Variants in RSPH4A observed in about 807,000 individuals in gnomAD.
The protein encoded by RSPH4A is radial spoke head protein 4 homolog A.
In RSPH4A, 47 loss-of-function variants were observed where a neutral mutation model predicts 71.0. The ratio of observed to expected loss-of-function variants is 0.66; its 90% CI spans 0.52 to 0.84. The LOEUF (loss-of-function observed/expected upper bound fraction) is 0.84, where lower values mean the gene tolerates loss of function less well. Ranked by LOEUF, RSPH4A falls within the 40% of genes least tolerant of loss-of-function variation. The pLI, the probability that RSPH4A is intolerant of heterozygous loss-of-function variation, is 0.00. For synonymous variants in RSPH4A, 282 were observed against 302.3 expected (o/e 0.93, Z 0.70); for missense variants, 793 against 855.2 (o/e 0.93, Z 0.91).
chr6:116,625,305 A>T (rs1489949299), intron 2 of RSPH4A, among the ~76,000 whole-genome samples: 2 of 152,198 alleles, frequency 1.3e-5, no homozygotes, highest in Non-Finnish European at 2.9e-5. Context: ...GAAGACTCTT[A>T]GAAATTAAAT....
In RSPH4A at chr6:116,616,930, G is replaced by T. The variant is rs139745647; in HGVS notation, c.307G>T (p.Asp103Tyr). 190 of 1,614,180 alleles carry T rather than the reference G, an allele frequency of 1.2e-4. No homozygotes were observed. The African/African-American group carries it at 2.3e-3, about 19-fold the overall frequency. Reference protein sequence around the residue: ...SPSPLAPARQDLAAPPQSDRT... With the variant: ...SPSPLAPARQYLAAPPQSDRT... ...TTCTCCCCTGGCTCCGGCCAGACAA[G>T]ACCTCGCGGCACCACCTCAGTCGGA... The change falls in exon 1 of 6, where the codon GAC (aspartate) becomes TAC (tyrosine). Residue 103 changes from aspartate (D) to tyrosine (Y), a missense_variant. By Grantham distance (160) the Asp-to-Tyr change is radical. Coordinates refer to ENST00000229554, the MANE Select transcript of RSPH4A (RefSeq NM_001010892.3).
In RSPH4A at chr6:116,632,248, G is replaced by C; in HGVS notation, c.1958G>C (p.Ser653Thr). ...NFYIGWGHKYSPDNYTPPVPP... is the reference protein window; with the variant it reads ...NFYIGWGHKYTPDNYTPPVPP... ...TACATAGGCTGGGGTCATAAGTATA[G>C]TCCAGACAATTATACACCCCCAGTT... Residue 653 changes from serine to threonine, a missense_variant, in exon 6 of 6, where the codon AGT becomes ACT. Transcript: ENST00000229554. 1 of 1,611,976 alleles carries C rather than the reference G, an allele frequency of 6.2e-7. No homozygotes were observed.
intron 1 of RSPH4A, among the ~76,000 whole-genome samples, chr6:116,619,862 GC>G (rs1205416200): frequency 6.6e-6 from 1 of 152,182 alleles, no homozygotes; most frequent in East Asian, 1.9e-4. Context: ...GGGACTACAG[GC>G]GCCTGCCACC....
In RSPH4A at chr6:116,627,841, TGAAGAGGAAGTG is replaced by T. The variant is rs1775723093; in HGVS notation, c.1145_1156del (p.Val382_Glu385del). 10 of 1,613,802 alleles carry T rather than the reference TGAAGAGGAAGTG, an allele frequency of 6.2e-6. No individual in the cohort carries two copies. The highest frequency in any genetic ancestry group is 8.5e-6 in the Non-Finnish European group (10 of 1,179,926). On this transcript the variant is annotated inframe_deletion, in exon 3 of 6. Transcript: ENST00000229554. ...AAGTGGAATTTCGTGAGGGGGAAGA[TGAAGAGGAAGTG>T]GAAGAGGAAGATGTAGCTGAAGAGA...
At chr6:116,624,071 T>C (rs1775655670) in intron 2 of RSPH4A, among the ~76,000 whole-genome samples, 1 of 152,218 alleles carries the variant, frequency 6.6e-6, no homozygotes, top group South Asian at 2.1e-4. Context: ...TTAAGATGTG[T>C]CTATATGCTT....
At chr6:116,631,280 T>TA (rs1474349387) in intron 5 of RSPH4A, among the ~76,000 whole-genome samples, 2 of 152,196 alleles carry the variant, frequency 1.3e-5, no homozygotes, top group African/African-American at 4.8e-5. Context: ...GGCCAGGTGT[T>TA]AGAGTAGCCA....
At chr6:116,622,411 C>T (rs1266261458) in intron 1 of RSPH4A, among the ~76,000 whole-genome samples, 1 of 152,120 alleles carries the variant, frequency 6.6e-6, no homozygotes, top group Non-Finnish European at 1.5e-5. Flanking sequence ...GAATACGTAT[C>T]GTGCTCTAAA....
In RSPH4A at chr6:116,628,101, G is replaced by T. The variant is rs777456038; in HGVS notation, c.1394G>T (p.Arg465Leu). ...ARKIKKFFTG[R>L]LDAPIISYPP... ...AAAATCAAGAAATTTTTCACTGGGCGATTGGATGCTCCCATCATAAGCTAC... is the reference window on the plus strand; with the variant it reads ...AAAATCAAGAAATTTTTCACTGGGCTATTGGATGCTCCCATCATAAGCTAC... The change falls in exon 3 of 6, where the codon CGA becomes CTA. Residue 465 changes from arginine to leucine, a missense_variant. Arg to Leu is a moderately radical substitution (Grantham distance 102). Transcript: ENST00000229554. 6 of 1,614,154 alleles carry T rather than the reference G, an allele frequency of 3.7e-6. No individual in the cohort carries two copies. The South Asian group carries it at 4.4e-5, about 12-fold the overall frequency.
At chr6:116,623,122 TTTG>T in intron 2 of RSPH4A, 120 bp downstream of exon 2, 1 of 752,134 alleles carries the variant, frequency 1.3e-6, no homozygotes, top group Non-Finnish European at 2.3e-6. Context: ...TTTGTTTTGT[TTTG>T]TTTAGACAGG....
chr6:116,622,519 T>A (rs934819976), intron 1 of RSPH4A, among the ~76,000 whole-genome samples: 15 of 152,210 alleles, frequency 9.9e-5, no homozygotes, highest in Non-Finnish European at 2.1e-4. Context: ...AGAAATTATC[T>A]TAAGTGTTTA....
In RSPH4A at chr6:116,616,601, AT is replaced by A. The variant is rs754467002; in HGVS notation, c.-15del. ...TTTTCACGCCCCTTTCATCCAGAAC[AT>A]TTTTTTTCTTGAACTGCTTCCATGG... On this transcript the variant is annotated 5_prime_UTR_variant, in exon 1 of 6. Coordinates refer to ENST00000229554, the MANE Select transcript of RSPH4A (RefSeq NM_001010892.3). The A allele has an allele frequency of 1.1e-5, 17 of 1,587,800 alleles. No individual in the cohort carries two copies. Among genetic ancestry groups the A allele is most frequent in the Admixed American group, 3.5e-5 (2 of 57,076 alleles).
Position 116,627,947 on chromosome 6 carries a change from C to T in RSPH4A, c.1240C>T (p.Pro414Ser). The T allele has an allele frequency of 5.0e-6, 8 of 1,614,064 alleles. No individual in the cohort carries two copies. The highest frequency in any genetic ancestry group is 6.8e-6 in the Non-Finnish European group (8 of 1,180,002). ...DELPKSFYKA[P>S]QAIPKEESRT... ...ATTACCAAAGTCCTTTTACAAGGCC[C>T]CACAGGCTATACCAAAAGAAGAAAG... The change falls in exon 3 of 6, where the codon CCA becomes TCA. Residue 414 changes from proline to serine, a missense_variant. Pro to Ser is a moderately conservative substitution (Grantham distance 74). Coordinates refer to ENST00000229554, the MANE Select transcript of RSPH4A (RefSeq NM_001010892.3).
chr6:116,632,281 C>A lies in RSPH4A; in HGVS notation c.1991C>A (p.Pro664Gln), dbSNP rs753902068. The A allele has an allele frequency of 6.2e-7, 1 of 1,612,854 alleles. No homozygotes were observed. Among genetic ancestry groups the A allele is most frequent in the South Asian group, 1.1e-5 (1 of 91,024 alleles). Reference protein sequence around the residue: ...PDNYTPPVPPPVYQEYPSGPE... With the variant: ...PDNYTPPVPPQVYQEYPSGPE... ...AATTATACACCCCCAGTTCCACCAC[C>A]AGTTTATCAAGAATACCCCAGTGGA... Residue 664 changes from proline to glutamine, a missense_variant, in exon 6 of 6, where the codon CCA becomes CAA. By Grantham distance (76) the Pro-to-Gln change is moderately conservative. Coordinates refer to ENST00000229554, the MANE Select transcript of RSPH4A (RefSeq NM_001010892.3).
chr6:116,627,767 C>A lies in RSPH4A; in HGVS notation c.1060C>A (p.Arg354Ser), dbSNP rs143931549. Residue 354 changes from arginine to serine, a missense_variant, in exon 3 of 6, where the codon CGC (arginine) becomes AGC (serine). Coordinates refer to ENST00000229554, the MANE Select transcript of RSPH4A (RefSeq NM_001010892.3). ...TGATACCCACCCAATCCAAAGATGC[C>A]GCTTCTGGGGAAAGATCTTGGGTCT... ...LTDTHPIQRCRFWGKILGLEM... is the reference protein window; with the variant it reads ...LTDTHPIQRCSFWGKILGLEM... The A allele has an allele frequency of 6.2e-7, 1 of 1,613,970 alleles. No individual in the cohort carries two copies. The highest frequency in any genetic ancestry group is 1.3e-5 in the African/African-American group (1 of 74,880).
intron 2 of RSPH4A, among the ~76,000 whole-genome samples, chr6:116,624,909 C>T (rs1038093976): frequency 1.3e-5 from 2 of 152,120 alleles, no homozygotes; most frequent in Admixed American, 1.3e-4. Flanking sequence ...GACTGGAAAG[C>T]CATTTGATTA....
Position 116,627,935 on chromosome 6 carries a change from T to C in RSPH4A, c.1228T>C (p.Phe410Leu), listed in dbSNP as rs767230109. ...TGAGGAAGATGAATTACCAAAGTCC[T>C]TTTACAAGGCCCCACAGGCTATACC... ...EDEEDELPKS[F>L]YKAPQAIPKE... Residue 410 changes from phenylalanine to leucine, a missense_variant, in exon 3 of 6, where the codon TTT (phenylalanine) becomes CTT (leucine). Coordinates refer to ENST00000229554, the MANE Select transcript of RSPH4A (RefSeq NM_001010892.3). 1.9e-6 allele frequency: 3 copies of C among 1,613,976 alleles called. No individual in the cohort carries two copies. Among genetic ancestry groups the C allele is most frequent in the African/African-American group, 2.7e-5 (2 of 74,914 alleles).
chr6:116,617,094 A>AC lies in RSPH4A; in HGVS notation c.475dup (p.His159ProfsTer11). The AC allele has an allele frequency of 6.2e-7, 1 of 1,614,058 alleles. No individual in the cohort carries two copies. The highest frequency in any genetic ancestry group is 1.1e-5 in the South Asian group (1 of 91,076). On this transcript the variant is annotated frameshift_variant, in exon 1 of 6. Coordinates refer to ENST00000229554, the MANE Select transcript of RSPH4A (RefSeq NM_001010892.3). LOFTEE classifies it high-confidence loss of function. The stretch of plus-strand genomic sequence containing the variant: ...CCTTTCAACAGTCTCAGCAACCCAA[A>AC]CCCCACCTGTGTGGACGAAGGGACG...
chr6:116,619,267 T>C (rs997076789), intron 1 of RSPH4A, among the ~76,000 whole-genome samples: 6 of 152,196 alleles, frequency 3.9e-5, no homozygotes, highest in African/African-American at 1.4e-4. Context: ...CAGATTCTTC[T>C]TGGCCTCTCT....
chr6:116,630,996 A>G (rs969940351), intron 5 of RSPH4A, among the ~76,000 whole-genome samples: 6 of 151,590 alleles, frequency 4.0e-5, no homozygotes, highest in African/African-American at 1.2e-4. Context: ...AGCTGCTACT[A>G]TCGTTTTAAC....
Sources: gnomAD v4.1 joint callset for allele counts (sites outside exome capture counted in the v4.1 genomes callset) on GRCh38, gnomAD v4.1.1 for gene constraint, MANE v1.5 for transcripts, NCBI Gene and HGNC (gene_info 2026-07-23, HGNC 2026-07-21) for gene names.